BIN1: variants seen among roughly 807,000 people sequenced by gnomAD.
The protein encoded by BIN1 is bridging integrator 1, also known as myc box-dependent-interacting protein 1.
In BIN1, 53 loss-of-function variants were observed where a neutral mutation model predicts 82.0. The ratio of observed to expected loss-of-function variants is 0.65; its 90% CI spans 0.52 to 0.81. BIN1 has a LOEUF of 0.81. Ranked by LOEUF, BIN1 falls within the 40% of genes least tolerant of loss-of-function variation. The probability of loss-of-function intolerance (pLI) is 0.00; values close to 1 mark genes in which losing one functional copy is unlikely to be tolerated. For synonymous variants in BIN1, 302 were observed against 328.0 expected (o/e 0.92, Z 0.86); for missense variants, 642 against 784.4 (o/e 0.82, Z 2.17).
intron 1 of BIN1, among the ~76,000 whole-genome samples, chr2:127,104,781 G>T (rs563660830): frequency 6.6e-6 from 1 of 152,338 alleles, no homozygotes; most frequent in South Asian, 2.1e-4. Context: ...GCTGTGGGTT[G>T]AGGCATGGGG....
At position 127,090,741 on chromosome 2, in the gene BIN1, G is replaced by A. The variant is rs1034115539; in HGVS notation, c.85-14035C>T. Among the ~76,000 whole-genome samples the A allele has an allele frequency of 6.6e-6, 1 of 152,194 alleles. No individual in the cohort carries two copies. Among genetic ancestry groups the A allele is most frequent in the Admixed American group, 6.5e-5 (1 of 15,288 alleles). On this transcript the variant is annotated intron_variant, in intron 1 of 18. Coordinates refer to ENST00000316724, the MANE Select transcript of BIN1 (RefSeq NM_139343.3). This position sits in a 1 kb window ranked among gnomAD's most constrained non-coding sequence, Gnocchi z 6.4. The stretch of plus-strand genomic sequence containing the variant: ...AGCAGCCAGGGCAGGGGAGGGGGAA[G>A]GTCTGGCCAGCACCCACCTGCCTTG...
At chr2:127,081,255 C>T (rs1055079010) in intron 1 of BIN1, among the ~76,000 whole-genome samples, 8 of 152,242 alleles carry the variant, frequency 5.3e-5, no homozygotes. Context: ...CCACCATGCA[C>T]GCACTTCAAG....
rs754834233 is a variant in BIN1 at position 127,059,060 on chromosome 2, G to A, written c.953C>T (p.Pro318Leu). 28 of 1,580,566 alleles carry A rather than the reference G, an allele frequency of 1.8e-5. 1 individual carries two copies. Among genetic ancestry groups the A allele is most frequent in the South Asian group, 1.2e-4 (10 of 86,254 alleles). The change falls in exon 11 of 19, where the codon CCG (proline) becomes CTG (leucine). Residue 318 changes from proline to leucine, a missense_variant. Transcript: ENST00000316724. The surrounding 1 kb of genome is among the most constrained non-coding windows in gnomAD (Gnocchi z 6.7). Reference sequence around the variant, plus strand: ...GGCCCCGGGCGTGGCCCCGCCGGCCGGCTCTGGCTCGTGGTTGACTCTGAT... The same window carrying A: ...GGCCCCGGGCGTGGCCCCGCCGGCCAGCTCTGGCTCGTGGTTGACTCTGAT... The part of the protein sequence containing the change: ...PEIRVNHEPE[P>L]AGGATPGATL...
intron 1 of BIN1, among the ~76,000 whole-genome samples, chr2:127,078,120 G>C (rs1303942718): frequency 1.3e-5 from 2 of 152,236 alleles, no homozygotes; most frequent in Non-Finnish European, 2.9e-5. Context: ...CCTGGTACCA[G>C]GACACAGCCA....
At chr2:127,062,341 T>A in intron 9 of BIN1, 144 bp from the exon 10 acceptor site, 1 of 834,158 alleles carries the variant, frequency 1.2e-6, no homozygotes. Context: ...AGCAAGGAAC[T>A]AGCACACCAA....
rs1039743014 is a variant in BIN1, at chr2:127,093,041, G to GC, written c.84+13818dup. ...CAAAGGAGTGGGGCACAGCCTGGGGGCCCCCCCACAGATGCCAGGTCAGCC... is the reference window on the plus strand; with the variant it reads ...CAAAGGAGTGGGGCACAGCCTGGGGGCCCCCCCCACAGATGCCAGGTCAGCC... On this transcript the variant is annotated intron_variant, in intron 1 of 18. Transcript: ENST00000316724. This position sits in a 1 kb window ranked among gnomAD's most constrained non-coding sequence, Gnocchi z 5.7. Among the ~76,000 whole-genome samples the GC allele has an allele frequency of 3.3e-5, 5 of 151,832 alleles. No individual in the cohort carries two copies. Among genetic ancestry groups the GC allele is most frequent in the African/African-American group, 1.2e-4 (5 of 41,444 alleles).
rs577438943 is a variant in BIN1, at chr2:127,078,530, G to A, written c.85-1824C>T. ...AGGTCACAGAGGATGGAGTGGGAAA[G>A]TGAGAGTGGCAGCAGGGGGCAGGTG... On this transcript the variant is annotated intron_variant, in intron 1 of 18. Coordinates refer to ENST00000316724, the MANE Select transcript of BIN1 (RefSeq NM_139343.3). Among the ~76,000 whole-genome samples, 6 of 152,280 alleles carry A rather than the reference G, an allele frequency of 3.9e-5. No homozygotes were observed. In the South Asian group the frequency reaches 1.2e-3, roughly 32 times the overall value.
rs1408065039 is a variant in BIN1, at chr2:127,064,023, G to C, written c.613-5C>G. On this transcript the variant is annotated splice_region_variant and splice_polypyrimidine_tract_variant and intron_variant, in intron 7 of 18. Coordinates refer to ENST00000316724, the MANE Select transcript of BIN1 (RefSeq NM_139343.3). ...TTTGATGAGCTCCTCCTCGGCCTGG[G>C]GGGCAGCACGGGTCATTCCCCTCTG... The C allele has an allele frequency of 1.9e-6, 3 of 1,613,664 alleles. No individual in the cohort carries two copies. In the African/African-American group the frequency reaches 4.0e-5, roughly 22 times the overall value.
Position 127,068,161 on chromosome 2 carries a change from A to G in BIN1, c.612+2T>C, listed in dbSNP as rs772980970. On this transcript the variant is annotated splice_donor_variant, in intron 7 of 18. Transcript: ENST00000316724. LOFTEE classifies it high-confidence loss of function. This position sits in a 1 kb window ranked among gnomAD's most constrained non-coding sequence, Gnocchi z 4.9. ...ACGTGCAAGGTTAGAAGCCAGTGTC[A>G]CCTGATTTCGGAGCAGGTTAGTTTG... 6.2e-7 allele frequency: 1 copy of G among 1,613,104 alleles called. No individual in the cohort carries two copies. Among genetic ancestry groups the G allele is most frequent in the South Asian group, 1.1e-5 (1 of 90,872 alleles).
intron 1 of BIN1, among the ~76,000 whole-genome samples, chr2:127,097,546 C>G (rs547552084): frequency 1.5e-4 from 23 of 152,242 alleles, no homozygotes; most frequent in African/African-American, 5.3e-4. Context: ...TCACCTGGCC[C>G]CTGTGTCCCC....
chr2:127,049,679 C>T (rs752815861), intron 18 of BIN1, among the ~76,000 whole-genome samples: 4 of 152,110 alleles, frequency 2.6e-5, no homozygotes, highest in African/African-American at 7.2e-5. Context: ...ATGGCACCAC[C>T]GACCCCCCAC....
chr2:127,103,272 G>A (rs1680587014), intron 1 of BIN1, among the ~76,000 whole-genome samples: 1 of 152,188 alleles, frequency 6.6e-6, no homozygotes, highest in Non-Finnish European at 1.5e-5. Flanking sequence ...GTACAGGCCT[G>A]GCTCCTCCGG....
In BIN1 at chr2:127,090,871, T is replaced by C. The variant is rs1678839487; in HGVS notation, c.85-14165A>G. On this transcript the variant is annotated intron_variant, in intron 1 of 18. Transcript: ENST00000316724. The surrounding 1 kb of genome is among the most constrained non-coding windows in gnomAD (Gnocchi z 6.4). Reference sequence around the variant, plus strand: ...CTTTGCCTCCCTAGCAATGCCAGGCTATGCTGGCCCTTCACATCACCTCCT... The same window carrying C: ...CTTTGCCTCCCTAGCAATGCCAGGCCATGCTGGCCCTTCACATCACCTCCT... Among the ~76,000 whole-genome samples, 2 of 152,184 alleles carry C rather than the reference T, an allele frequency of 1.3e-5. No individual in the cohort carries two copies. Among genetic ancestry groups the C allele is most frequent in the African/African-American group, 4.8e-5 (2 of 41,440 alleles).
rs1479996205 is a variant in BIN1, at chr2:127,068,362, G to C, written c.520-107C>G. On this transcript the variant is annotated intron_variant, in intron 6 of 18. Coordinates refer to ENST00000316724, the MANE Select transcript of BIN1 (RefSeq NM_139343.3). This position sits in a 1 kb window ranked among gnomAD's most constrained non-coding sequence, Gnocchi z 4.9. ...GCAGGTCCACACGCCCCACGCGCGG[G>C]GGCCACCCCAAGCAGATATGGGCCC... 4 of 865,094 alleles carry C rather than the reference G, an allele frequency of 4.6e-6. No individual in the cohort carries two copies. Among genetic ancestry groups the C allele is most frequent in the Non-Finnish European group, 7.3e-6 (4 of 549,128 alleles). 53.6% of individuals were successfully genotyped at this position (865,094 alleles called of 1,614,324 possible).
chr2:127,068,224 T>TG lies in BIN1; in HGVS notation c.550dup (p.Gln184ProfsTer16), dbSNP rs746044582. 2 of 1,612,982 alleles carry TG rather than the reference T, an allele frequency of 1.2e-6. No individual in the cohort carries two copies. Among genetic ancestry groups the TG allele is most frequent in the African/African-American group, 2.7e-5 (2 of 74,668 alleles). On this transcript the variant is annotated frameshift_variant, in exon 7 of 19. Coordinates refer to ENST00000316724, the MANE Select transcript of BIN1 (RefSeq NM_139343.3). LOFTEE classifies it high-confidence loss of function. This position sits in a 1 kb window ranked among gnomAD's most constrained non-coding sequence, Gnocchi z 4.9. ...AGCCTGCAGTTTGCCTTGGCACCACTGGGGGGCGGCTTTCTCAAGCAGCGA... is the reference window on the plus strand; with the variant it reads ...AGCCTGCAGTTTGCCTTGGCACCACTGGGGGGGCGGCTTTCTCAAGCAGCGA...
chr2:127,062,223 G>T, intron 9 of BIN1, 26 bp from the exon 10 acceptor site: 1 of 1,583,940 alleles, frequency 6.3e-7, no homozygotes, highest in South Asian at 1.1e-5. Context: ...TGAGGAGGTG[G>T]GGGGCCTCCA....
At chr2:127,074,478 T>C (rs992397565) in intron 2 of BIN1, among the ~76,000 whole-genome samples, 4 of 152,342 alleles carry the variant, frequency 2.6e-5, no homozygotes, top group Admixed American at 1.3e-4. Flanking sequence ...AGCAGCCACC[T>C]GGCAGCCCGC....
At chr2:127,076,812 T>A in intron 1 of BIN1, 106 bp from the exon 2 acceptor site, 1 of 1,294,904 alleles carries the variant, frequency 7.7e-7, no homozygotes, top group Non-Finnish European at 1.1e-6. Context: ...GGGAAGTCTC[T>A]AGCCAACATC....
intron 1 of BIN1, among the ~76,000 whole-genome samples, chr2:127,103,598 A>C (rs1214450115): frequency 1.3e-5 from 2 of 152,096 alleles, no homozygotes; most frequent in African/African-American, 4.8e-5. Flanking sequence ...TGGTCAGAGA[A>C]AGGCCCAGCT....
Sources: allele counts gnomAD v4.1 joint callset (sites outside exome capture counted in the v4.1 genomes callset), GRCh38; gene constraint gnomAD v4.1.1; non-coding constraint Gnocchi (gnomAD v3.1); transcripts MANE v1.5; gene names NCBI Gene and HGNC (gene_info 2026-07-23, HGNC 2026-07-21).